The following CRTC3 variants were observed in gnomAD, a reference collection of about 807,000 sequenced individuals.
CRTC3 encodes CREB-regulated transcription coactivator 3.
In CRTC3, 26 loss-of-function variants were observed where a neutral mutation model predicts 74.5. The ratio of observed to expected loss-of-function variants is 0.35; its 90% confidence interval spans 0.26 to 0.48. CRTC3 has a LOEUF of 0.48. Among genes scored for constraint, CRTC3 ranks in the 20% least tolerant of loss-of-function variants. CRTC3 has a pLI of 0.99. For synonymous variants in CRTC3, 377 were observed against 325.8 expected (o/e 1.16, Z -1.69); for missense variants, 760 against 787.3 (o/e 0.97, Z 0.41).
At chr15:90,578,670 A>G (rs1206337873) in intron 2 of CRTC3, among the ~76,000 whole-genome samples, 1 of 152,226 alleles carries the variant, frequency 6.6e-6, no homozygotes, top group African/African-American at 2.4e-5. Context: ...TACATGCATA[A>G]TCAGTATTTC....
intron 5 of CRTC3, 148 bp from the exon 6 acceptor site, chr15:90,607,230 C>T: frequency 1.8e-6 from 1 of 540,896 alleles, no homozygotes; most frequent in Non-Finnish European, 3.3e-6. Flanking sequence ...ATATAAAGAA[C>T]TTCAGGTAGG....
At chr15:90,535,125 C>T (rs1014609869) in intron 1 of CRTC3, among the ~76,000 whole-genome samples, 1 of 149,356 alleles carries the variant, frequency 6.7e-6, no homozygotes, top group Non-Finnish European at 1.5e-5. Context: ...TGTGCCATTG[C>T]ACTCCAACCT....
chr15:90,602,455 TTGAA>T, intron 4 of CRTC3, 70 bp downstream of exon 4: 1 of 861,076 alleles, frequency 1.2e-6, no homozygotes, highest in Non-Finnish European at 1.9e-6. Flanking sequence ...TTTATCCACT[TTGAA>T]TGTTGTTTAG....
intron 2 of CRTC3, among the ~76,000 whole-genome samples, chr15:90,549,012 T>G (rs982140104): frequency 6.6e-6 from 1 of 152,238 alleles, no homozygotes; most frequent in African/African-American, 2.4e-5. Flanking sequence ...CAATACTTCT[T>G]TTTCTGATTA....
intron 2 of CRTC3, among the ~76,000 whole-genome samples, chr15:90,567,144 G>C (rs999173445): frequency 6.6e-6 from 1 of 152,058 alleles, no homozygotes; most frequent in East Asian, 1.9e-4. Flanking sequence ...ACTTGAAGTG[G>C]TTTCAAAATC....
At chr15:90,639,366 G>A (rs2151098176) in intron 13 of CRTC3, among the ~76,000 whole-genome samples, 1 of 151,106 alleles carries the variant, frequency 6.6e-6, no homozygotes, top group Non-Finnish European at 1.5e-5. Flanking sequence ...AGATTTTATA[G>A]TATTCAATAG....
At chr15:90,548,940 T>C (rs1487600728) in intron 2 of CRTC3, among the ~76,000 whole-genome samples, 1 of 152,222 alleles carries the variant, frequency 6.6e-6, no homozygotes, top group Non-Finnish European at 1.5e-5. Flanking sequence ...ATTTATTCCC[T>C]AGAGTTTATT....
At chr15:90,575,590 T>A (rs1967385638) in intron 2 of CRTC3, among the ~76,000 whole-genome samples, 1 of 152,230 alleles carries the variant, frequency 6.6e-6, no homozygotes, top group Admixed American at 6.5e-5. Flanking sequence ...TCTCCGATAG[T>A]TTAAATGCTA....
intron 2 of CRTC3, among the ~76,000 whole-genome samples, chr15:90,548,045 A>C (rs1324733398): frequency 6.6e-6 from 1 of 151,752 alleles, no homozygotes; most frequent in African/African-American, 2.4e-5. Context: ...GTAAGCCACC[A>C]CACCCGGCCA....
rs183579145 is a variant in CRTC3 at position 90,581,041 on chromosome 15, A to G, written c.232-12595A>G. 1.5e-4 allele frequency among the ~76,000 whole-genome samples: 23 copies of G among 152,322 alleles called. No individual in the cohort carries two copies. The East Asian group carries it at 4.4e-3, about 29-fold the overall frequency. On this transcript the variant is annotated intron_variant, in intron 2 of 14. Coordinates refer to ENST00000268184, the MANE Select transcript of CRTC3 (RefSeq NM_022769.5). ...CACTTTACAGCTCAGCCTAAGGGAGAACATATCAGAAGCATGGCTGGATGA... is the reference window on the plus strand; with the variant it reads ...CACTTTACAGCTCAGCCTAAGGGAGGACATATCAGAAGCATGGCTGGATGA...
At chr15:90,569,591 T>C (rs1252911121) in intron 2 of CRTC3, among the ~76,000 whole-genome samples, 2 of 151,494 alleles carry the variant, frequency 1.3e-5, no homozygotes, top group East Asian at 3.9e-4. Flanking sequence ...TTTTTGCTTT[T>C]TGTTTTAGAA....
chr15:90,631,016 A>T (rs528137770), intron 11 of CRTC3, among the ~76,000 whole-genome samples: 1 of 16,580 alleles, frequency 6.0e-5, no homozygotes, highest in Non-Finnish European at 2.5e-4. Context: ...TGACCTCATG[A>T]TCCACCCGCC....
rs71463752 is a variant in CRTC3 at position 90,638,145 on chromosome 15, T to TAAAAC, written c.1267-289_1267-285dup. 434 of 356,972 alleles carry TAAAAC rather than the reference T, an allele frequency of 1.2e-3. 1 individual carries two copies. Among genetic ancestry groups the TAAAAC allele is most frequent in the African/African-American group, 8.5e-3 (400 of 46,816 alleles). The allele number at this position is 356,972 out of a possible 1,614,324, so 22.1% of individuals were successfully genotyped here. ...CACTTTTAACCAGAAGACACGGCTA[T>TAAAAC]AAAACAAAACAAAACATGATTTTCA... On this transcript the variant is annotated intron_variant, in intron 11 of 14. Transcript: ENST00000268184.
intron 3 of CRTC3, chr15:90,598,402 C>T: frequency 1.4e-6 from 1 of 702,868 alleles, no homozygotes; most frequent in Non-Finnish European, 2.6e-6. Context: ...AGAGCTGCTC[C>T]CCTTCCTTTG....
chr15:90,536,070 G>A (rs1263887903), intron 1 of CRTC3, among the ~76,000 whole-genome samples: 1 of 152,162 alleles, frequency 6.6e-6, no homozygotes. Flanking sequence ...AATTGCTGTG[G>A]CAATTTTGTT....
intron 9 of CRTC3, among the ~76,000 whole-genome samples, chr15:90,621,323 GTATTTATT>G (rs1337724064): frequency 1.3e-5 from 2 of 151,362 alleles, no homozygotes; most frequent in Non-Finnish European, 1.5e-5. Flanking sequence ...TAGTTTGTTT[GTATTTATT>G]TATTTATTTG....
Position 90,619,731 on chromosome 15 carries a change from C to G in CRTC3, c.700-10C>G. On this transcript the variant is annotated splice_polypyrimidine_tract_variant and intron_variant, in intron 8 of 14. Transcript: ENST00000268184. The stretch of plus-strand genomic sequence containing the variant: ...AGCGAGTAAGCCCAGCTTTCATTGT[C>G]TCTTCTCAGATTCAGTCCCTGTCAG... 1 of 1,613,366 alleles carries G rather than the reference C, an allele frequency of 6.2e-7. No individual in the cohort carries two copies. The highest frequency in any genetic ancestry group is 1.1e-5 in the South Asian group (1 of 91,064).
intron 6 of CRTC3, among the ~76,000 whole-genome samples, chr15:90,607,714 G>A (rs892152390): frequency 6.6e-6 from 1 of 152,140 alleles, no homozygotes; most frequent in African/African-American, 2.4e-5. Flanking sequence ...GTGTCTCTTG[G>A]CCCTCTTCTG....
At chr15:90,600,061 C>T (rs925591999) in intron 3 of CRTC3, among the ~76,000 whole-genome samples, 2 of 152,210 alleles carry the variant, frequency 1.3e-5, no homozygotes, top group African/African-American at 4.8e-5. Flanking sequence ...CTACTGTGGT[C>T]TTGCCTCATC....
Sources: allele counts gnomAD v4.1 joint callset (sites outside exome capture counted in the v4.1 genomes callset), GRCh38; gene constraint gnomAD v4.1.1; transcripts MANE v1.5; gene names NCBI Gene and HGNC (gene_info 2026-07-23, HGNC 2026-07-21).